Variants in DLG2 observed in about 807,000 individuals in gnomAD.
The protein encoded by DLG2 is discs large MAGUK scaffold protein 2.
In DLG2, 45 loss-of-function variants were observed where a neutral mutation model predicts 132.5. The observed-to-expected ratio is 0.34, with a 90% CI of 0.27 to 0.44. The LOEUF (loss-of-function observed/expected upper bound fraction) is 0.44, where lower values mean the gene tolerates loss of function less well. Among genes scored for constraint, DLG2 ranks in the 20% least tolerant of loss-of-function variants. The pLI is 1.00. For synonymous variants in DLG2, 424 were observed against 419.6 expected (o/e 1.01, Z -0.13); for missense variants, 1,045 against 1,196.9 (o/e 0.87, Z 1.87).
chr11:84,636,784 A>AT (rs58336974), intron 6 of DLG2, among the ~76,000 whole-genome samples: 5,374 of 145,668 alleles, frequency 0.037, 265 homozygotes, highest in African/African-American at 0.12. Flanking sequence ...AGGGATGCAC[A>AT]TTTTTTTTTT....
chr11:85,102,486 A>G (rs1214450143), intron 6 of DLG2, among the ~76,000 whole-genome samples: 3 of 152,020 alleles, frequency 2.0e-5, no homozygotes, highest in Non-Finnish European at 4.4e-5. Flanking sequence ...AATCCTAGAA[A>G]AGGGCTTCTT....
At chr11:83,691,641 T>C (rs1373543977) in intron 18 of DLG2, among the ~76,000 whole-genome samples, 1 of 152,200 alleles carries the variant, frequency 6.6e-6, no homozygotes, top group Non-Finnish European at 1.5e-5. Flanking sequence ...TCTAGGTGCC[T>C]GTAACAAGCT....
At position 85,532,702 on chromosome 11, in the gene DLG2, T is replaced by C. The variant is rs1256957050; in HGVS notation, c.40+65955A>G. On this transcript the variant is annotated intron_variant, in intron 3 of 27. Transcript: ENST00000376104. ...TGTTAATAGCTCCACTGGAAGAGAATACTCTTCCAACTTAGACAGTAAAAG... is the reference window on the plus strand; with the variant it reads ...TGTTAATAGCTCCACTGGAAGAGAACACTCTTCCAACTTAGACAGTAAAAG... 4.6e-5 allele frequency among the ~76,000 whole-genome samples: 7 copies of C among 152,344 alleles called. No individual in the cohort carries two copies. The East Asian group carries it at 1.3e-3, about 29-fold the overall frequency.
At chr11:85,092,320 A>G (rs1265297688) in intron 6 of DLG2, among the ~76,000 whole-genome samples, 1 of 152,208 alleles carries the variant, frequency 6.6e-6, no homozygotes. Flanking sequence ...CTTAGTCCTG[A>G]ATGTTATAAT....
intron 6 of DLG2, among the ~76,000 whole-genome samples, chr11:85,081,783 C>A (rs1274301547): frequency 6.6e-6 from 1 of 152,184 alleles, no homozygotes; most frequent in Admixed American, 6.5e-5. Flanking sequence ...GCTATCCAAG[C>A]AGCTAGGGCC....
chr11:83,689,995 T>C (rs1269454368), intron 18 of DLG2, among the ~76,000 whole-genome samples: 2 of 134,076 alleles, frequency 1.5e-5, no homozygotes, highest in Non-Finnish European at 1.6e-5. Flanking sequence ...TTTATTATAA[T>C]ATTATATTTA....
intron 6 of DLG2, among the ~76,000 whole-genome samples, chr11:85,076,395 C>G (rs2066553802): frequency 6.6e-6 from 1 of 152,018 alleles, no homozygotes; most frequent in Admixed American, 6.6e-5. Context: ...GTTCAATTTT[C>G]AAGTTTCATT....
intron 6 of DLG2, among the ~76,000 whole-genome samples, chr11:84,930,251 T>G (rs1025092941): frequency 6.6e-6 from 1 of 152,130 alleles, no homozygotes; most frequent in African/African-American, 2.4e-5. Flanking sequence ...GATTATACAG[T>G]GTCTTGTATT....
chr11:84,642,577 C>T (rs2099668949), intron 6 of DLG2, among the ~76,000 whole-genome samples: 1 of 152,064 alleles, frequency 6.6e-6, no homozygotes, highest in African/African-American at 2.4e-5. Context: ...CTTCCTGTTG[C>T]TTACAATCAA....
chr11:84,455,363 AGTTTG>A (rs1390790085), intron 7 of DLG2, among the ~76,000 whole-genome samples: 1 of 151,386 alleles, frequency 6.6e-6, no homozygotes, highest in Admixed American at 6.6e-5. Flanking sequence ...CATTTTATTC[AGTTTG>A]GTTTTGGTGT....
chr11:85,407,986 G>C (rs1181262698), intron 3 of DLG2, among the ~76,000 whole-genome samples: 1 of 150,912 alleles, frequency 6.6e-6, no homozygotes, highest in African/African-American at 2.4e-5. Flanking sequence ...GTCAGGCACC[G>C]ACAGCAACTG....
At chr11:85,461,265 T>G (rs1335760024) in intron 3 of DLG2, among the ~76,000 whole-genome samples, 1 of 152,226 alleles carries the variant, frequency 6.6e-6, no homozygotes, top group African/African-American at 2.4e-5. Flanking sequence ...GCCTTAAGTT[T>G]ATTATATACT....
chr11:84,014,580 T>C (rs570166854), intron 11 of DLG2, among the ~76,000 whole-genome samples: 2 of 152,176 alleles, frequency 1.3e-5, no homozygotes, highest in Non-Finnish European at 2.9e-5. Flanking sequence ...GCCAGGCACA[T>C]TGTCTGAAAG....
intron 6 of DLG2, among the ~76,000 whole-genome samples, chr11:84,747,333 T>C (rs1475194995): frequency 6.6e-6 from 1 of 152,188 alleles, no homozygotes; most frequent in Non-Finnish European, 1.5e-5. Context: ...CCTGTATACA[T>C]AATCAGATTG....
intron 7 of DLG2, among the ~76,000 whole-genome samples, chr11:84,472,833 C>A (rs1175978635): frequency 6.6e-6 from 1 of 151,798 alleles, no homozygotes; most frequent in Non-Finnish European, 1.5e-5. Flanking sequence ...AATATTTATC[C>A]TCAAATCTTG....
chr11:85,291,578 T>G (rs1488033856), intron 3 of DLG2, among the ~76,000 whole-genome samples: 1 of 91,050 alleles, frequency 1.1e-5, no homozygotes, highest in African/African-American at 4.2e-5. Context: ...CACCTGAGGA[T>G]TCTCTTCTTT....
intron 8 of DLG2, among the ~76,000 whole-genome samples, chr11:84,247,915 G>A (rs1567057909): frequency 6.6e-6 from 1 of 152,128 alleles, no homozygotes; most frequent in Non-Finnish European, 1.5e-5. Flanking sequence ...TTTAATATAT[G>A]TTAAAGCTTG....
chr11:84,675,731 C>A (rs1307921418), intron 6 of DLG2, among the ~76,000 whole-genome samples: 9 of 152,062 alleles, frequency 5.9e-5, no homozygotes. Flanking sequence ...GGTAGCTATG[C>A]AATCCTAGCC....
chr11:85,424,023 C>G (rs1312009218), intron 3 of DLG2, among the ~76,000 whole-genome samples: 2 of 152,200 alleles, frequency 1.3e-5, no homozygotes, highest in Non-Finnish European at 2.9e-5. Flanking sequence ...GGCCTTTTCC[C>G]AGTGCCTCTG....
Sources: allele counts gnomAD v4.1 joint callset (sites outside exome capture counted in the v4.1 genomes callset), GRCh38; gene constraint gnomAD v4.1.1; transcripts MANE v1.5; gene names NCBI Gene and HGNC (gene_info 2026-07-23, HGNC 2026-07-21).